COL23A1: variants seen among roughly 807,000 people sequenced by gnomAD.
COL23A1 encodes the protein collagen alpha-1(XXIII) chain.
Under a neutral mutation model 99.3 loss-of-function variants are expected in COL23A1, and 97 were observed. The ratio of observed to expected loss-of-function variants is 0.98; its 90% CI spans 0.83 to 1.16. The LOEUF (loss-of-function observed/expected upper bound fraction) is 1.16. COL23A1 is among the 50% of genes most tolerant of loss of function. COL23A1 has a pLI of 0.00. For synonymous variants in COL23A1, 320 were observed against 308.2 expected (o/e 1.04, Z -0.40); for missense variants, 762 against 757.4 (o/e 1.01, Z -0.07).
intron 2 of COL23A1, among the ~76,000 whole-genome samples, chr5:178,545,360 A>G (rs1761525409): frequency 6.6e-6 from 1 of 152,198 alleles, no homozygotes; most frequent in South Asian, 2.1e-4. Flanking sequence ...ATGACCGGAC[A>G]ACAGGCCACT....
intron 17 of COL23A1, among the ~76,000 whole-genome samples, chr5:178,250,989 A>G (rs1409183302): frequency 6.6e-6 from 1 of 150,930 alleles, no homozygotes; most frequent in African/African-American, 2.4e-5. Flanking sequence ...AAAAAAAAAA[A>G]AAAAAAAAAA....
At chr5:178,420,470 T>C (rs1581356048) in intron 2 of COL23A1, among the ~76,000 whole-genome samples, 2 of 51,874 alleles carry the variant, frequency 3.9e-5, no homozygotes, top group Non-Finnish European at 7.0e-5. Flanking sequence ...TCTATCCTCC[T>C]CCCCTCCCCC....
chr5:178,309,373 G>A lies in COL23A1; in HGVS notation c.362-2454C>T, dbSNP rs1034498701. ...TGGAGCTGGGCAGGACTGGGGTGTT[G>A]CTGAGCATACAGGGCCTGTGAGCCG... On this transcript the variant is annotated intron_variant, in intron 2 of 28. Coordinates refer to ENST00000390654, the MANE Select transcript of COL23A1 (RefSeq NM_173465.4). The surrounding 1 kb of genome is among the most constrained non-coding windows in gnomAD (Gnocchi z 4.7). Among the ~76,000 whole-genome samples, 6 of 152,222 alleles carry A rather than the reference G, an allele frequency of 3.9e-5. No individual in the cohort carries two copies. In the East Asian group the frequency reaches 9.7e-4, roughly 25 times the overall value.
intron 13 of COL23A1, among the ~76,000 whole-genome samples, chr5:178,257,284 G>A (rs948515784): frequency 6.6e-6 from 1 of 152,172 alleles, no homozygotes; most frequent in East Asian, 1.9e-4. Flanking sequence ...GGCAGAGAGT[G>A]AGGCCCCCTA....
chr5:178,412,532 CT>C (rs1765104811), intron 2 of COL23A1, among the ~76,000 whole-genome samples: 1 of 152,134 alleles, frequency 6.6e-6, no homozygotes, highest in Admixed American at 6.5e-5. Flanking sequence ...TTCTGTATAT[CT>C]TTCTTTACTT....
chr5:178,328,474 G>A (rs1759824159), intron 2 of COL23A1, among the ~76,000 whole-genome samples: 1 of 152,186 alleles, frequency 6.6e-6, no homozygotes, highest in Admixed American at 6.5e-5. Context: ...CTCTTTCATA[G>A]GCTATTCCCA....
chr5:178,459,315 T>G (rs1052784052), intron 2 of COL23A1, among the ~76,000 whole-genome samples: 15 of 152,228 alleles, frequency 9.9e-5, no homozygotes, highest in African/African-American at 3.6e-4. Flanking sequence ...GTCTATAATT[T>G]GCTTCCAAAT....
chr5:178,297,923 C>A (rs182302319), intron 3 of COL23A1, among the ~76,000 whole-genome samples: 17 of 152,320 alleles, frequency 1.1e-4, no homozygotes, highest in Admixed American at 9.8e-4. Flanking sequence ...ACTGTACGGC[C>A]TGCAGCAAGC....
chr5:178,568,699 C>G (rs1282297371), intron 1 of COL23A1, among the ~76,000 whole-genome samples: 5 of 152,222 alleles, frequency 3.3e-5, no homozygotes, highest in African/African-American at 1.2e-4. Flanking sequence ...GATTTCCTTG[C>G]CCTTTGTCTG....
intron 2 of COL23A1, among the ~76,000 whole-genome samples, chr5:178,400,719 C>T (rs1312079619): frequency 6.6e-6 from 1 of 151,762 alleles, no homozygotes; most frequent in Non-Finnish European, 1.5e-5. Flanking sequence ...CTCACTCCAA[C>T]CTCTACCTCA....
chr5:178,482,584 T>G (rs763283154), intron 2 of COL23A1, among the ~76,000 whole-genome samples: 1 of 152,140 alleles, frequency 6.6e-6, no homozygotes, highest in Non-Finnish European at 1.5e-5. Flanking sequence ...ACCTGTACTT[T>G]TAAAAATGGT....
rs77698097 is a variant in COL23A1 at position 178,551,279 on chromosome 5, A to G, written c.361+9403T>C. ...TAATGGGCTCCATCTAGTGGTCACA[A>G]GAACATCTCCAGATTCCAATGGTCA... is the stretch of plus-strand genomic sequence containing the variant. On this transcript the variant is annotated intron_variant, in intron 2 of 28. Transcript: ENST00000390654. Among the ~76,000 whole-genome samples the G allele has an allele frequency of 4.7e-3, 718 of 151,286 alleles. 2 individuals carry two copies. Among genetic ancestry groups the G allele is most frequent in the Non-Finnish European group, 7.6e-3 (518 of 67,822 alleles).
rs190735007 is a variant in COL23A1, at chr5:178,428,551, G to A, written c.362-121632C>T. On this transcript the variant is annotated intron_variant, in intron 2 of 28. Coordinates refer to ENST00000390654, the MANE Select transcript of COL23A1 (RefSeq NM_173465.4). This position sits in a 1 kb window ranked among gnomAD's most constrained non-coding sequence, Gnocchi z 5.0. ...GAGCCGCGGCAGGGTGCCCAGCGGG[G>A]CCTCTTGGATGCTCCTCCTGGCTGG... 3.8e-3 allele frequency among the ~76,000 whole-genome samples: 578 copies of A among 152,352 alleles called. 3 individuals are homozygous for A. Among genetic ancestry groups the A allele is most frequent in the Middle Eastern group, 6.8e-3 (2 of 294 alleles).
intron 3 of COL23A1, among the ~76,000 whole-genome samples, chr5:178,300,026 T>C (rs892824189): frequency 3.3e-5 from 5 of 151,948 alleles, no homozygotes; most frequent in African/African-American, 9.7e-5. Flanking sequence ...AGTGCTGGGA[T>C]TGCAGGCATA....
chr5:178,415,276 C>G lies in COL23A1; in HGVS notation c.362-108357G>C, dbSNP rs772036456. Among the ~76,000 whole-genome samples, 58 of 152,202 alleles carry G rather than the reference C, an allele frequency of 3.8e-4. No homozygotes were observed. The highest frequency in any genetic ancestry group is 7.3e-4 in the Non-Finnish European group (50 of 68,038). ...AGTTACAGTGCTCAGTGGGGACGAG[C>G]CCGCCTTGCTGGGTGAGTGACGTGG... On this transcript the variant is annotated intron_variant, in intron 2 of 28. Transcript: ENST00000390654. This position sits in a 1 kb window ranked among gnomAD's most constrained non-coding sequence, Gnocchi z 4.6.
At chr5:178,537,158 G>A (rs528593484) in intron 2 of COL23A1, among the ~76,000 whole-genome samples, 9 of 152,198 alleles carry the variant, frequency 5.9e-5, no homozygotes, top group African/African-American at 9.6e-5. Context: ...CATACAGGCC[G>A]GGGGTGACAG....
chr5:178,412,538 T>C (rs1372278210), intron 2 of COL23A1, among the ~76,000 whole-genome samples: 1 of 152,214 alleles, frequency 6.6e-6, no homozygotes, highest in East Asian at 1.9e-4. Context: ...ATATCTTTCT[T>C]TACTTCTCTA....
intron 2 of COL23A1, among the ~76,000 whole-genome samples, chr5:178,319,612 C>T (rs568089314): frequency 6.6e-6 from 1 of 152,324 alleles, no homozygotes; most frequent in South Asian, 2.1e-4. Flanking sequence ...CGCTCCCAGC[C>T]GAGCTGACCC....
In COL23A1 at chr5:178,252,595, C is replaced by T. The variant is rs776010951; in HGVS notation, c.963G>A (p.Gly321=). The T allele has an allele frequency of 6.2e-7, 1 of 1,609,526 alleles. No homozygotes were observed. Among genetic ancestry groups the T allele is most frequent in the Non-Finnish European group, 8.5e-7 (1 of 1,178,106 alleles). ...CTGGGGGCCCCTGTGGTCCGGGAGG[C>T]CCCTGTGTGTGAGAGTGAAGCCGGT... ...YDGRILDALK[G]PPGPQGPPGP... is the part of the protein sequence containing the mutation. The change falls in exon 17 of 29, where the codon GGG becomes GGA. Residue 321 remains glycine, a splice_region_variant and synonymous_variant. Transcript: ENST00000390654.
Sources: gnomAD v4.1 joint callset for allele counts (sites outside exome capture counted in the v4.1 genomes callset) on GRCh38, gnomAD v4.1.1 for gene constraint, Gnocchi (gnomAD v3.1) non-coding constraint, MANE v1.5 for transcripts, NCBI Gene and HGNC (gene_info 2026-07-23, HGNC 2026-07-21) for gene names.